IQCM: variants seen among roughly 807,000 people sequenced by gnomAD.
IQCM encodes IQ domain-containing protein M.
Under a neutral mutation model 57.6 loss-of-function variants are expected in IQCM, and 45 were observed. The ratio of observed to expected loss-of-function variants is 0.78; its 90% CI spans 0.62 to 1.00. The LOEUF (loss-of-function observed/expected upper bound fraction) is 1.00, where lower values mean the gene tolerates loss of function less well. Ranked by LOEUF, IQCM falls within the 50% of genes least tolerant of loss-of-function variation. The pLI, the probability that IQCM is intolerant of heterozygous loss-of-function variation, is 0.00. For synonymous variants in IQCM, 148 were observed against 158.9 expected (o/e 0.93, Z 0.51); for missense variants, 468 against 511.6 (o/e 0.91, Z 0.82).
At chr4:149,667,234 C>G (rs1043297586) in intron 7 of IQCM, among the ~76,000 whole-genome samples, 32 of 152,164 alleles carry the variant, frequency 2.1e-4, no homozygotes, top group Non-Finnish European at 4.0e-4. Flanking sequence ...GAGGAAGGAG[C>G]AGGCAGCAAT....
At chr4:149,598,440 AAGAT>A (rs1753974280) in intron 8 of IQCM, among the ~76,000 whole-genome samples, 1 of 152,176 alleles carries the variant, frequency 6.6e-6, no homozygotes, top group African/African-American at 2.4e-5. Context: ...GCAGAAATGA[AAGAT>A]AGCACAAGAG....
chr4:149,596,684 T>G (rs2150023157), intron 8 of IQCM, among the ~76,000 whole-genome samples: 1 of 152,250 alleles, frequency 6.6e-6, no homozygotes, highest in Non-Finnish European at 1.5e-5. Flanking sequence ...CTAGAAGTTT[T>G]CTAGGAATTT....
chr4:149,754,219 A>C (rs994810739), intron 2 of IQCM, among the ~76,000 whole-genome samples: 1 of 152,184 alleles, frequency 6.6e-6, no homozygotes, highest in Non-Finnish European at 1.5e-5. Context: ...AGGGCAGTCC[A>C]ATATCAGTGA....
chr4:149,741,493 G>C (rs1177257876), intron 3 of IQCM, among the ~76,000 whole-genome samples: 1 of 152,078 alleles, frequency 6.6e-6, no homozygotes, highest in East Asian at 1.9e-4. Context: ...CCACTTCCTG[G>C]ATCTTCCACC....
At chr4:149,478,099 G>A (rs998985955) in intron 12 of IQCM, among the ~76,000 whole-genome samples, 2 of 152,160 alleles carry the variant, frequency 1.3e-5, no homozygotes, top group Admixed American at 6.6e-5. Context: ...AATACTGCCA[G>A]GGATGTAGTT....
chr4:149,786,852 C>A (rs1281412514), intron 2 of IQCM, among the ~76,000 whole-genome samples: 2 of 152,190 alleles, frequency 1.3e-5, no homozygotes, highest in Admixed American at 6.5e-5. Flanking sequence ...GAATATAAAT[C>A]ATTCTACTAT....
intron 2 of IQCM, among the ~76,000 whole-genome samples, chr4:149,773,426 C>T (rs1770781884): frequency 6.6e-6 from 1 of 151,918 alleles, no homozygotes; most frequent in Non-Finnish European, 1.5e-5. Context: ...CACATGACAA[C>T]CAGTTTGTAA....
At chr4:149,431,501 A>G (rs1734858731) in intron 13 of IQCM, among the ~76,000 whole-genome samples, 1 of 151,964 alleles carries the variant, frequency 6.6e-6, no homozygotes, top group Non-Finnish European at 1.5e-5. Context: ...AAAACATTTT[A>G]CTTATAGTAA....
intron 2 of IQCM, among the ~76,000 whole-genome samples, chr4:149,794,952 G>A (rs1056800724): frequency 6.6e-6 from 1 of 152,006 alleles, no homozygotes; most frequent in African/African-American, 2.4e-5. Context: ...CTGGAATTAG[G>A]AGACAAGGAT....
intron 13 of IQCM, among the ~76,000 whole-genome samples, chr4:149,354,688 G>C (rs1728834872): frequency 2.0e-5 from 3 of 152,052 alleles, no homozygotes; most frequent in African/African-American, 7.2e-5. Context: ...CCAAGTTCAT[G>C]TTCTTATACA....
intron 12 of IQCM, among the ~76,000 whole-genome samples, chr4:149,435,659 G>T (rs2111291744): frequency 6.6e-6 from 1 of 152,012 alleles, no homozygotes; most frequent in Non-Finnish European, 1.5e-5. Flanking sequence ...GGAGATGGCA[G>T]CTTCATGCTG....
At chr4:149,552,789 G>A (rs1749160589) in intron 11 of IQCM, among the ~76,000 whole-genome samples, 1 of 151,992 alleles carries the variant, frequency 6.6e-6, no homozygotes, top group African/African-American at 2.4e-5. Flanking sequence ...AAGTGGTAGG[G>A]GCTTATCTAT....
chr4:149,655,253 G>C (rs1199722783), intron 7 of IQCM, among the ~76,000 whole-genome samples: 1 of 152,074 alleles, frequency 6.6e-6, no homozygotes, highest in Non-Finnish European at 1.5e-5. Flanking sequence ...GCTAAATCCT[G>C]TTGGTTTTTA....
intron 13 of IQCM, among the ~76,000 whole-genome samples, chr4:149,382,246 G>A (rs1328912262): frequency 1.3e-5 from 2 of 152,086 alleles, no homozygotes; most frequent in East Asian, 3.9e-4. Flanking sequence ...AAGTGAATAA[G>A]TGAATTCATA....
At chr4:149,718,546 A>G (rs1765185993) in intron 5 of IQCM, among the ~76,000 whole-genome samples, 1 of 152,224 alleles carries the variant, frequency 6.6e-6, no homozygotes, top group South Asian at 2.1e-4. Context: ...CTAGAATTGA[A>G]ATGTACTTTC....
chr4:149,432,566 T>G (rs188859813), intron 13 of IQCM, among the ~76,000 whole-genome samples: 1 of 151,940 alleles, frequency 6.6e-6, no homozygotes, highest in African/African-American at 2.4e-5. Flanking sequence ...ACCTTATTAC[T>G]ACAATCCAGG....
At chr4:149,661,431 C>T (rs1406207007) in intron 7 of IQCM, among the ~76,000 whole-genome samples, 1 of 151,986 alleles carries the variant, frequency 6.6e-6, no homozygotes, top group African/African-American at 2.4e-5. Context: ...GTTGTTGTGT[C>T]CTTGTCTGTT....
intron 2 of IQCM, among the ~76,000 whole-genome samples, chr4:149,811,271 G>C (rs935363214): frequency 1.3e-5 from 2 of 152,058 alleles, no homozygotes; most frequent in African/African-American, 4.8e-5. Context: ...TCCATCAACA[G>C]AGTTTCCAAA....
At chr4:149,368,935 T>C (rs1245219875) in intron 13 of IQCM, among the ~76,000 whole-genome samples, 2 of 78,942 alleles carry the variant, frequency 2.5e-5, no homozygotes, top group African/African-American at 9.5e-5. Flanking sequence ...TATACACGTG[T>C]ATATATATGT....
Sources: allele counts gnomAD v4.1 joint callset (sites outside exome capture counted in the v4.1 genomes callset), GRCh38; gene constraint gnomAD v4.1.1; transcripts MANE v1.5; gene names NCBI Gene and HGNC (gene_info 2026-07-23, HGNC 2026-07-21).